Variants in ADGRB1 observed in about 807,000 individuals in gnomAD.
ADGRB1 encodes the protein adhesion G protein-coupled receptor B1, also known as brain-specific angiogenesis inhibitor 1.
Under a neutral mutation model 175.7 loss-of-function variants are expected in ADGRB1, and 36 were observed. That is an observed-to-expected ratio of 0.20 (90% CI 0.16 to 0.27). The LOEUF (loss-of-function observed/expected upper bound fraction) is 0.27, where lower values mean the gene tolerates loss of function less well. Ranked by LOEUF, ADGRB1 falls within the 10% of genes least tolerant of loss-of-function variation. The pLI, the probability that ADGRB1 is intolerant of heterozygous loss-of-function variation, is 1.00. For synonymous variants in ADGRB1, 1,054 were observed against 979.4 expected (o/e 1.08, Z -1.42); for missense variants, 1,731 against 2,255.3 (o/e 0.77, Z 4.71).
intron 1 of ADGRB1, among the ~76,000 whole-genome samples, chr8:142,457,985 G>A (rs549231543): frequency 8.6e-4 from 131 of 152,304 alleles, no homozygotes; most frequent in African/African-American, 3.0e-3. Context: ...AGTCAGTGCC[G>A]AGGGCGCCCA....
Position 142,475,581 on chromosome 8 carries a change from G to GGCT in ADGRB1, c.895_897dup (p.Cys299dup), listed in dbSNP as rs1840915186. 4 of 1,256,998 alleles carry GGCT rather than the reference G, an allele frequency of 3.2e-6. No individual in the cohort carries two copies. The allele number at this position is 1,256,998 out of a possible 1,614,324, so 77.9% of individuals were successfully genotyped here. On this transcript the variant is annotated inframe_insertion, in exon 3 of 31. Transcript: ENST00000517894. The stretch of plus-strand genomic sequence containing the variant: ...GCCCGCGCCGGGCGTGGAGGGCGGC[G>GGCT]GCTGCGAGGGGGTGCTGGAGGAGGG...
rs1175761823 is a variant in ADGRB1, at chr8:142,449,877, G to A, written c.-447G>A. The A allele has an allele frequency of 6.8e-6, 1 of 147,546 alleles. No homozygotes were observed. The highest frequency in any genetic ancestry group is 6.7e-5 in the Admixed American group (1 of 14,882). 9.1% of individuals were successfully genotyped at this position (147,546 alleles called of 1,614,324 possible). ...TCCGGACCCTCCGGGCGCCCGGGGG[G>A]CTCCAGCAGGCGCGGGGGAACGGGA... On this transcript the variant is annotated 5_prime_UTR_variant, in exon 1 of 31. Transcript: ENST00000517894.
chr8:142,464,095 C>A lies in ADGRB1; in HGVS notation c.-104C>A. 1 of 787,186 alleles carries A rather than the reference C, an allele frequency of 1.3e-6. No homozygotes were observed. Among genetic ancestry groups the A allele is most frequent in the Non-Finnish European group, 1.6e-6 (1 of 606,106 alleles). 48.8% of individuals were successfully genotyped at this position (787,186 alleles called of 1,614,324 possible). On this transcript the variant is annotated 5_prime_UTR_variant, in exon 2 of 31. Coordinates refer to ENST00000517894, the MANE Select transcript of ADGRB1 (RefSeq NM_001702.3). ...ATCCCACCCTTGCCCCGCCTCCCTG[C>A]CCCCACCGGGCCGGCCCTGCCCGCC...
chr8:142,511,034 C>G lies in ADGRB1; in HGVS notation c.2778C>G (p.Leu926=). The G allele has an allele frequency of 7.7e-7, 1 of 1,302,208 alleles. No individual in the cohort carries two copies. The highest frequency in any genetic ancestry group is 4.5e-5 in the East Asian group (1 of 22,368). The allele number at this position is 1,302,208 out of a possible 1,614,324, so 80.7% of individuals were successfully genotyped here. Reference sequence around the variant, plus strand: ...GGACGCGCTGCCTCTGTGACCGGCTCTCCACCTTCGCCATCTTAGCCCAGC... The same window carrying G: ...GGACGCGCTGCCTCTGTGACCGGCTGTCCACCTTCGCCATCTTAGCCCAGC... The part of the protein sequence containing the change: ...ALRTRCLCDR[L]STFAILAQLS... Residue 926 remains leucine (L), a synonymous_variant, in exon 18 of 31, where the codon CTC becomes CTG. Transcript: ENST00000517894. The surrounding 1 kb of genome is among the most constrained non-coding windows in gnomAD (Gnocchi z 4.5).
At chr8:142,532,761 C>T (rs1844697795) in intron 24 of ADGRB1, among the ~76,000 whole-genome samples, 1 of 152,164 alleles carries the variant, frequency 6.6e-6, no homozygotes, top group African/African-American at 2.4e-5. Flanking sequence ...GACCCCTCGC[C>T]TGGGGCCTGT....
At chr8:142,500,744 C>T (rs1842481809) in intron 17 of ADGRB1, among the ~76,000 whole-genome samples, 1 of 152,100 alleles carries the variant, frequency 6.6e-6, no homozygotes, top group African/African-American at 2.4e-5. Context: ...AGGACTTCCA[C>T]GTGAGCAAGG....
At chr8:142,463,384 C>T (rs1270265060) in intron 1 of ADGRB1, among the ~76,000 whole-genome samples, 2 of 152,246 alleles carry the variant, frequency 1.3e-5, no homozygotes, top group Non-Finnish European at 1.5e-5. Context: ...CTCTGCACCC[C>T]CTTCCTGCTC....
At position 142,543,014 on chromosome 8, in the gene ADGRB1, TG is replaced by T. The variant is rs932011816; in HGVS notation, c.4413+368del. 3.0e-4 allele frequency among the ~76,000 whole-genome samples: 46 copies of T among 151,982 alleles called. No individual in the cohort carries two copies. The highest frequency in any genetic ancestry group is 6.0e-4 in the Non-Finnish European group (41 of 67,928). ...ACCCAGCCTCAGTCAGCCTGTAGGATGTTGTTTTTGGGGGAGCCCGTCCCCA... is the reference window on the plus strand; with the variant it reads ...ACCCAGCCTCAGTCAGCCTGTAGGATTTGTTTTTGGGGGAGCCCGTCCCCA... On this transcript the variant is annotated intron_variant, in intron 28 of 30. Coordinates refer to ENST00000517894, the MANE Select transcript of ADGRB1 (RefSeq NM_001702.3). The surrounding 1 kb of genome is among the most constrained non-coding windows in gnomAD (Gnocchi z 4.4).
chr8:142,539,301 G>T, intron 26 of ADGRB1, 73 bp from the exon 27 acceptor site: 1 of 1,484,198 alleles, frequency 6.7e-7, no homozygotes. Flanking sequence ...GCCCTCCCGA[G>T]CGGTCTGTGC....
Position 142,479,309 on chromosome 8 carries a change from G to T in ADGRB1, c.1562-14G>T, listed in dbSNP as rs767822064. The T allele has an allele frequency of 1.5e-5, 22 of 1,479,444 alleles. No homozygotes were observed. Among genetic ancestry groups the T allele is most frequent in the Non-Finnish European group, 2.0e-5 (22 of 1,121,384 alleles). 91.6% of individuals were successfully genotyped at this position (1,479,444 alleles called of 1,614,324 possible). A position where few individuals can be genotyped will look rare whatever the true frequency, so the allele number is the denominator to read the frequency against. On this transcript the variant is annotated splice_polypyrimidine_tract_variant and intron_variant, in intron 7 of 30. Transcript: ENST00000517894. ...TCTTGTCGCCTGTGCCCTGTGTCTG[G>T]CCACGCCCCGCAGTGGATGGCAAGT...
chr8:142,498,031 G>T (rs1454444925), intron 17 of ADGRB1, among the ~76,000 whole-genome samples: 1 of 152,156 alleles, frequency 6.6e-6, no homozygotes, highest in Non-Finnish European at 1.5e-5. Flanking sequence ...GGGCCTCTCA[G>T]CTGCCCTTAC....
chr8:142,522,233 G>A (rs1175081841), intron 21 of ADGRB1, 118 bp downstream of exon 21: 1 of 1,379,244 alleles, frequency 7.3e-7, no homozygotes, highest in African/African-American at 1.4e-5. Flanking sequence ...CTCAGTTGCT[G>A]CTTGGGTGGG....
At chr8:142,539,719 C>A in intron 27 of ADGRB1, 1 of 531,712 alleles carries the variant, frequency 1.9e-6, no homozygotes, top group South Asian at 2.3e-5. Flanking sequence ...CGTCCCCTGC[C>A]CACCTGACAT....
rs569462583 is a variant in ADGRB1, at chr8:142,540,734, G to A, written c.3707-1207G>A. Among the ~76,000 whole-genome samples, 308 of 152,188 alleles carry A rather than the reference G, an allele frequency of 2.0e-3. 1 individual carries two copies. Among genetic ancestry groups the A allele is most frequent in the South Asian group, 6.7e-3 (32 of 4,812 alleles). ...TGCGGGGTGGGGCGGCCTTGGGGACGTGCGTCCCGAGAGTGCTGTGGCTGT... is the reference window on the plus strand; with the variant it reads ...TGCGGGGTGGGGCGGCCTTGGGGACATGCGTCCCGAGAGTGCTGTGGCTGT... On this transcript the variant is annotated intron_variant, in intron 27 of 30. Coordinates refer to ENST00000517894, the MANE Select transcript of ADGRB1 (RefSeq NM_001702.3).
intron 2 of ADGRB1, 68 bp from the exon 3 acceptor site, chr8:142,475,406 C>A (rs1840902509): frequency 2.4e-6 from 3 of 1,239,748 alleles, no homozygotes; most frequent in Admixed American, 8.0e-5. Flanking sequence ...TTAGCACCCC[C>A]ATGACTTACC....
chr8:142,472,806 T>C (rs1840739801), intron 2 of ADGRB1, among the ~76,000 whole-genome samples: 1 of 152,118 alleles, frequency 6.6e-6, no homozygotes. Context: ...AGGCTCAATA[T>C]GTGACCAGGG....
Position 142,464,968 on chromosome 8 carries a change from G to A in ADGRB1, c.770G>A (p.Gly257Glu). 6.6e-7 allele frequency: 1 copy of A among 1,516,486 alleles called. No individual in the cohort carries two copies. Among genetic ancestry groups the A allele is most frequent in the Non-Finnish European group, 8.8e-7 (1 of 1,138,148 alleles). The allele number at this position is 1,516,486 out of a possible 1,614,324, so 93.9% of individuals were successfully genotyped here. Reference protein sequence around the residue: ...CLTSLTQDRGGHGATGGWKLW... With the variant: ...CLTSLTQDRGEHGATGGWKLW... ...ACCAGCCTGACCCAGGACCGGGGCG[G>A]GCACGGCGCCACAGGTGAGTGACTG... The change falls in exon 2 of 31, where the codon GGG becomes GAG. Residue 257 changes from glycine (G) to glutamate (E), a missense_variant. Physicochemically the swap from Gly to Glu is moderately conservative, Grantham distance 98 (BLOSUM62 -2). Transcript: ENST00000517894.
At chr8:142,533,060 G>C (rs1373761831) in intron 24 of ADGRB1, among the ~76,000 whole-genome samples, 1 of 152,140 alleles carries the variant, frequency 6.6e-6, no homozygotes, top group Non-Finnish European at 1.5e-5. Context: ...GGCAGAGTGT[G>C]GGACAGGATT....
chr8:142,479,802 C>A lies in ADGRB1; in HGVS notation c.1828+8C>A. 1 of 1,608,802 alleles carries A rather than the reference C, an allele frequency of 6.2e-7. No individual in the cohort carries two copies. On this transcript the variant is annotated splice_region_variant and intron_variant, in intron 9 of 30. Transcript: ENST00000517894. ...GTCCCCGCAACGCCACAGGTGAGGG[C>A]TGGAGAGCACGTGGTGTATGGGGGC...
Sources: gnomAD v4.1 joint callset for allele counts (sites outside exome capture counted in the v4.1 genomes callset) on GRCh38, gnomAD v4.1.1 for gene constraint, Gnocchi (gnomAD v3.1) non-coding constraint, MANE v1.5 for transcripts, NCBI Gene and HGNC (gene_info 2026-07-23, HGNC 2026-07-21) for gene names.